Variants in TCF4 observed in about 807,000 individuals in gnomAD.
The protein encoded by TCF4 is transcription factor 4, also known as SL3-3 enhancer factor 2.
Under a neutral mutation model 82.1 loss-of-function variants are expected in TCF4, and 3 were observed. The observed-to-expected ratio is 0.04, with a 90% CI of 0.02 to 0.09. The LOEUF (loss-of-function observed/expected upper bound fraction) is 0.09, where lower values mean the gene tolerates loss of function less well. Ranked by LOEUF, TCF4 falls within the 10% of genes least tolerant of loss-of-function variation. The probability of loss-of-function intolerance (pLI) is 1.00; values close to 1 mark genes in which losing one functional copy is unlikely to be tolerated. For missense variants in TCF4, 518 were observed against 852.7 expected (o/e 0.61, Z 4.89); for synonymous variants, 276 against 309.6 (o/e 0.89, Z 1.14).
intron 5 of TCF4, among the ~76,000 whole-genome samples, chr18:55,432,304 A>AAAAT (rs950764124): frequency 7.2e-5 from 11 of 152,122 alleles, no homozygotes; most frequent in African/African-American, 1.7e-4. Flanking sequence ...CTCTGTCTCA[A>AAAAT]AAATAAATAA....
chr18:55,633,127 G>A lies in TCF4; in HGVS notation c.196-1739C>T, dbSNP rs1489588159. On this transcript the variant is annotated intron_variant, in intron 1 of 20. Transcript: ENST00000398339. The surrounding 1 kb of genome is among the most constrained non-coding windows in gnomAD (Gnocchi z 4.0). ...ATTTATTATCCTCACAGTTTCTATG[G>A]GTTGGGTATTTGGAATGTGGCTTAG... 1.3e-5 allele frequency among the ~76,000 whole-genome samples: 2 copies of A among 152,222 alleles called. No homozygotes were observed. Among genetic ancestry groups the A allele is most frequent in the African/African-American group, 4.8e-5 (2 of 41,462 alleles).
At chr18:55,422,148 ACC>A in intron 5 of TCF4, 1 of 834,778 alleles carries the variant, frequency 1.2e-6, no homozygotes, top group Non-Finnish European at 1.4e-6. Context: ...AAAAAAAAAA[ACC>A]CACCCTGAAT....
intron 8 of TCF4, among the ~76,000 whole-genome samples, chr18:55,307,951 C>T (rs1366654392): frequency 9.8e-5 from 15 of 152,324 alleles, no homozygotes; most frequent in Admixed American, 7.8e-4. Context: ...TTAATAATAG[C>T]CTAGGGCTAG....
chr18:55,475,842 C>G (rs1227823615), intron 3 of TCF4, among the ~76,000 whole-genome samples: 1 of 152,070 alleles, frequency 6.6e-6, no homozygotes, highest in East Asian at 1.9e-4. Flanking sequence ...TTAGTTGTAG[C>G]CCTGTGACCT....
At chr18:55,613,252 A>T (rs1319490623) in intron 2 of TCF4, among the ~76,000 whole-genome samples, 1 of 152,010 alleles carries the variant, frequency 6.6e-6, no homozygotes, top group African/African-American at 2.4e-5. Context: ...CCTCCTTCCC[A>T]ATCCTGCCTT....
At chr18:55,368,397 A>C (rs560396812) in intron 6 of TCF4, among the ~76,000 whole-genome samples, 1 of 152,244 alleles carries the variant, frequency 6.6e-6, no homozygotes, top group East Asian at 1.9e-4. Flanking sequence ...CAAAACAAAC[A>C]ACAACAATAA....
intron 3 of TCF4, chr18:55,550,346 A>G (rs1246481392): frequency 6.6e-6 from 1 of 152,190 alleles, no homozygotes; most frequent in East Asian, 1.9e-4. Context: ...ACTTTATATT[A>G]CATTTAGTAT....
At chr18:55,432,035 C>T (rs931865207) in intron 5 of TCF4, among the ~76,000 whole-genome samples, 1 of 152,166 alleles carries the variant, frequency 6.6e-6, no homozygotes, top group Non-Finnish European at 1.5e-5. Context: ...GGCAAGGTGG[C>T]TCATGCCTGT....
At chr18:55,301,129 G>A (rs1402750347) in intron 8 of TCF4, among the ~76,000 whole-genome samples, 4 of 152,038 alleles carry the variant, frequency 2.6e-5, no homozygotes, top group Admixed American at 2.0e-4. Flanking sequence ...CAATTACAAG[G>A]CAATTAGAAG....
intron 5 of TCF4, among the ~76,000 whole-genome samples, chr18:55,437,403 T>C (rs1254623231): frequency 6.6e-6 from 1 of 152,146 alleles, no homozygotes; most frequent in African/African-American, 2.4e-5. Flanking sequence ...TTCAGCCCAT[T>C]CTCTCTCTCA....
intron 15 of TCF4, among the ~76,000 whole-genome samples, chr18:55,248,706 A>C (rs1393866414): frequency 6.6e-6 from 1 of 152,280 alleles, no homozygotes; most frequent in Non-Finnish European, 1.5e-5. Context: ...GCAGTGTAGG[A>C]TATAGCACAA....
chr18:55,486,443 T>A (rs1473508469), intron 3 of TCF4, among the ~76,000 whole-genome samples: 3 of 151,898 alleles, frequency 2.0e-5, no homozygotes, highest in African/African-American at 7.3e-5. Flanking sequence ...AATACAAAAA[T>A]TAGCCGGGCG....
chr18:55,245,248 G>T (rs1364375464), intron 15 of TCF4, among the ~76,000 whole-genome samples: 1 of 151,960 alleles, frequency 6.6e-6, no homozygotes, highest in African/African-American at 2.4e-5. Flanking sequence ...CTTTTGATTT[G>T]AAAAATTTAC....
At chr18:55,449,378 T>C (rs2144283724) in intron 5 of TCF4, among the ~76,000 whole-genome samples, 1 of 152,296 alleles carries the variant, frequency 6.6e-6, no homozygotes, top group Middle Eastern at 3.4e-3. Flanking sequence ...ACACACCATA[T>C]AAAGTATGAA....
At chr18:55,329,325 A>C (rs1340545913) in intron 8 of TCF4, among the ~76,000 whole-genome samples, 2 of 152,186 alleles carry the variant, frequency 1.3e-5, no homozygotes, top group Non-Finnish European at 2.9e-5. Flanking sequence ...TCATTCTGTT[A>C]ATCAAAAGCA....
intron 14 of TCF4, among the ~76,000 whole-genome samples, chr18:55,256,023 C>T (rs1005311912): frequency 3.9e-5 from 6 of 152,134 alleles, no homozygotes; most frequent in Non-Finnish European, 5.9e-5. Flanking sequence ...AGCTTTGCTA[C>T]GTATTTGGCC....
intron 5 of TCF4, among the ~76,000 whole-genome samples, chr18:55,435,009 C>T (rs1198155608): frequency 6.6e-6 from 1 of 151,982 alleles, no homozygotes; most frequent in African/African-American, 2.4e-5. Context: ...CCCTGTTGTG[C>T]CATCAAATAC....
At position 55,234,800 on chromosome 18, in the gene TCF4, GTTTC is replaced by G; in HGVS notation, c.1351-121_1351-118del. On this transcript the variant is annotated intron_variant, in intron 15 of 19. Transcript: ENST00000354452. ...TTTCAAAAACCATACTCCCAAACGC[GTTTC>G]ACTAGAGGGCGCTGAAGGACCGCAC... is the stretch of plus-strand genomic sequence containing the variant. 6.0e-6 allele frequency: 9 copies of G among 1,494,408 alleles called. 1 individual carries two copies. Among genetic ancestry groups the G allele is most frequent in the Non-Finnish European group, 6.5e-6 (7 of 1,083,512 alleles). The allele number at this position is 1,494,408 out of a possible 1,614,324, so 92.6% of individuals were successfully genotyped here.
intron 2 of TCF4, among the ~76,000 whole-genome samples, chr18:55,608,535 T>G (rs188816907): frequency 7.2e-5 from 11 of 152,278 alleles, no homozygotes; most frequent in Non-Finnish European, 1.3e-4. Flanking sequence ...ATAAAAGAGA[T>G]GAGCACATTT....
Sources: gnomAD v4.1 joint callset for allele counts (sites outside exome capture counted in the v4.1 genomes callset) on GRCh38, gnomAD v4.1.1 for gene constraint, Gnocchi (gnomAD v3.1) non-coding constraint, MANE v1.5 for transcripts, NCBI Gene and HGNC (gene_info 2026-07-23, HGNC 2026-07-21) for gene names.